The following SMURF2 variants were observed in gnomAD, a reference collection of about 807,000 sequenced individuals.
SMURF2 encodes E3 ubiquitin-protein ligase SMURF2.
A neutral mutation model predicts 109.6 loss-of-function variants in SMURF2; 48 were observed. The observed-to-expected ratio is 0.44, with a 90% CI of 0.35 to 0.56. SMURF2 has a LOEUF of 0.56. Among genes scored for constraint, SMURF2 ranks in the 20% least tolerant of loss-of-function variants. The pLI is 0.01. For synonymous variants in SMURF2, 288 were observed against 317.1 expected, an observed-to-expected ratio of 0.91 and a Z score of 0.97; for missense variants, 575 against 909.0, an observed-to-expected ratio of 0.63 and a Z score of 4.72.
At chr17:64,655,192 A>G (rs560656166) in intron 1 of SMURF2, among the ~76,000 whole-genome samples, 19 of 152,012 alleles carry the variant, frequency 1.2e-4, no homozygotes, top group Admixed American at 9.8e-4. Context: ...AAACTAAATA[A>G]ACTTAGATAC....
rs1282627673 is a variant in SMURF2 at position 64,598,510 on chromosome 17, A to G, written c.92-20T>C. The stretch of plus-strand genomic sequence containing the variant: ...GAAGTCCTGTGAAAAAAGATTTTCT[A>G]AAATTAATAATTTGACATTTAAGAT... On this transcript the variant is annotated intron_variant, in intron 2 of 18. Transcript: ENST00000262435. 6.4e-7 allele frequency: 1 copy of G among 1,566,956 alleles called. No individual in the cohort carries two copies.
intron 8 of SMURF2, 26 bp downstream of exon 8, chr17:64,580,763 T>A: frequency 6.2e-7 from 1 of 1,604,568 alleles, no homozygotes; most frequent in Non-Finnish European, 8.5e-7. Context: ...AAACCACATT[T>A]TATTTTTCCT....
At chr17:64,636,228 A>G (rs781864134) in intron 1 of SMURF2, among the ~76,000 whole-genome samples, 10 of 152,110 alleles carry the variant, frequency 6.6e-5, no homozygotes, top group Non-Finnish European at 1.0e-4. Context: ...CAAGTAGCTG[A>G]GACTATAGGC....
At chr17:64,642,169 T>C (rs919918635) in intron 1 of SMURF2, among the ~76,000 whole-genome samples, 1 of 152,208 alleles carries the variant, frequency 6.6e-6, no homozygotes, top group Non-Finnish European at 1.5e-5. Flanking sequence ...TGATAATTCA[T>C]GTGAATAATT....
At chr17:64,545,993 T>C (rs1968948770) in intron 18 of SMURF2, 46 bp from the exon 19 acceptor site, 1 of 1,236,696 alleles carries the variant, frequency 8.1e-7, no homozygotes, top group Admixed American at 1.7e-5. Context: ...TCAAAATAAG[T>C]AAACTGGCCT....
intron 9 of SMURF2, among the ~76,000 whole-genome samples, chr17:64,576,073 C>T (rs550712117): frequency 8.6e-5 from 13 of 151,906 alleles, no homozygotes; most frequent in East Asian, 3.9e-4. Context: ...GGTATTGTGG[C>T]GCATGCCTGT....
rs545302615 is a variant in SMURF2 at position 64,589,496 on chromosome 17, G to C, written c.400+1588C>G. Among the ~76,000 whole-genome samples, 6 of 151,752 alleles carry C rather than the reference G, an allele frequency of 4.0e-5. No homozygotes were observed. In the South Asian group the frequency reaches 6.3e-4, roughly 16 times the overall value. ...CCCAACCCCCAGGCCATGGATGGGTGGGGTATTGGTCCAGGGTCTGTTAGG... is the reference window on the plus strand; with the variant it reads ...CCCAACCCCCAGGCCATGGATGGGTCGGGTATTGGTCCAGGGTCTGTTAGG... On this transcript the variant is annotated intron_variant, in intron 5 of 18. Transcript: ENST00000262435.
intron 5 of SMURF2, among the ~76,000 whole-genome samples, chr17:64,590,057 A>C (rs2144651748): frequency 6.6e-6 from 1 of 152,192 alleles, no homozygotes; most frequent in South Asian, 2.1e-4. Flanking sequence ...TCAGTAACTA[A>C]AACCTCTCTG....
Position 64,547,595 on chromosome 17 carries a change from GT to G in SMURF2, c.2071+4del, listed in dbSNP as rs782385466. ...GCCCAGCTTGCCTGCACCTCAGGCT[GT>G]TACCTTGCAATGCTTTGAAGCCCTG... On this transcript the variant is annotated splice_donor_region_variant and intron_variant, in intron 17 of 18. Transcript: ENST00000262435. The surrounding 1 kb of genome is among the most constrained non-coding windows in gnomAD (Gnocchi z 4.2). 1 of 1,613,586 alleles carries G rather than the reference GT, an allele frequency of 6.2e-7. No individual in the cohort carries two copies. Among genetic ancestry groups the G allele is most frequent in the African/African-American group, 1.3e-5 (1 of 74,866 alleles).
At chr17:64,596,902 G>A (rs1969826493) in intron 3 of SMURF2, among the ~76,000 whole-genome samples, 1 of 152,160 alleles carries the variant, frequency 6.6e-6, no homozygotes, top group Admixed American at 6.5e-5. Context: ...GGGAAAAGTA[G>A]CTACTAACTT....
intron 1 of SMURF2, among the ~76,000 whole-genome samples, chr17:64,624,032 A>G (rs994893196): frequency 6.6e-6 from 1 of 152,250 alleles, no homozygotes; most frequent in Non-Finnish European, 1.5e-5. Flanking sequence ...AAACAACTTT[A>G]TGATATAATT....
chr17:64,607,563 T>G (rs1598293464), intron 1 of SMURF2, among the ~76,000 whole-genome samples: 1 of 148,994 alleles, frequency 6.7e-6, no homozygotes, highest in Admixed American at 6.7e-5. Flanking sequence ...GAGAGGGAGG[T>G]TGCAGTGAGC....
At chr17:64,645,912 C>T (rs782393710) in intron 1 of SMURF2, among the ~76,000 whole-genome samples, 75 of 152,014 alleles carry the variant, frequency 4.9e-4, no homozygotes, top group Non-Finnish European at 1.5e-4. Flanking sequence ...CATATAAATG[C>T]TAAGAAAACC....
intron 4 of SMURF2, among the ~76,000 whole-genome samples, chr17:64,592,607 T>C (rs1475232162): frequency 6.6e-6 from 1 of 152,218 alleles, no homozygotes; most frequent in African/African-American, 2.4e-5. Flanking sequence ...TGAGTTTGTT[T>C]AGCATATGCA....
chr17:64,615,649 A>C (rs1163026871), intron 1 of SMURF2, among the ~76,000 whole-genome samples: 2 of 152,238 alleles, frequency 1.3e-5, no homozygotes, highest in African/African-American at 4.8e-5. Flanking sequence ...TGCTTGAAAC[A>C]AGAGTATTAC....
rs782355511 is a variant in SMURF2, at chr17:64,546,336, C to T, written c.2074G>A (p.Ala692Thr). The change falls in exon 18 of 19, where the codon GCT becomes ACT. Residue 692 changes from alanine (A) to threonine (T), a missense_variant and splice_region_variant. Ala to Thr is a moderately conservative substitution (Grantham distance 58, BLOSUM62 0). Transcript: ENST00000262435. ...PLQGFKALQG[A>T]AGPRLFTIHQ... ...ATGGTAAAGAGTCTCGGGCCTGCAGCACCTGCAAATGAAGGAAATGTGGAT... is the reference window on the plus strand; with the variant it reads ...ATGGTAAAGAGTCTCGGGCCTGCAGTACCTGCAAATGAAGGAAATGTGGAT... 3 of 1,613,786 alleles carry T rather than the reference C, an allele frequency of 1.9e-6. No individual in the cohort carries two copies. Among genetic ancestry groups the T allele is most frequent in the Non-Finnish European group, 2.5e-6 (3 of 1,179,846 alleles).
At chr17:64,573,267 AGGAGGAGGG>A (rs1969441195) in intron 9 of SMURF2, among the ~76,000 whole-genome samples, 1 of 52,166 alleles carries the variant, frequency 1.9e-5, no homozygotes, top group Non-Finnish European at 3.5e-5. Context: ...GAGGAGGAGG[AGGAGGAGGG>A]GGAGGAGGAG....
At chr17:64,599,289 T>A (rs1555688362) in intron 2 of SMURF2, among the ~76,000 whole-genome samples, 1 of 152,186 alleles carries the variant, frequency 6.6e-6, no homozygotes, top group Non-Finnish European at 1.5e-5. Context: ...GAATCTAAAG[T>A]GTAGATTCTA....
intron 10 of SMURF2, among the ~76,000 whole-genome samples, chr17:64,564,656 A>G (rs1448966836): frequency 1.3e-5 from 2 of 152,208 alleles, no homozygotes; most frequent in Admixed American, 1.3e-4. Context: ...GAAGACAAAG[A>G]CTGGAGCAAT....
Sources: gnomAD v4.1 joint callset for allele counts (sites outside exome capture counted in the v4.1 genomes callset) on GRCh38, gnomAD v4.1.1 for gene constraint, Gnocchi (gnomAD v3.1) non-coding constraint, MANE v1.5 for transcripts, NCBI Gene and HGNC (gene_info 2026-07-23, HGNC 2026-07-21) for gene names.